Variants in HMGB1 observed in about 807,000 individuals in gnomAD.
HMGB1 encodes the protein high mobility group protein B1.
For synonymous variants in HMGB1, 81 were observed against 84.0 expected (o/e 0.96, Z 0.19); for missense variants, 79 against 253.5 (o/e 0.31, Z 4.67).
rs144907788 is a variant in HMGB1 at position 30,525,243 on chromosome 13, T to C, written c.-14-61549A>G. On this transcript the variant is annotated intron_variant, in intron 1 of 4. Transcript: ENST00000405805. ...CATTCAGCACAGTGCTTTGACATTG[T>C]ATGTTCCTGATAAATGACAGGTGTA... 1.6e-3 allele frequency among the ~76,000 whole-genome samples: 245 copies of C among 152,344 alleles called. 1 individual carries two copies. Among genetic ancestry groups the C allele is most frequent in the African/African-American group, 5.7e-3 (235 of 41,578 alleles).
At chr13:30,571,590 A>G (rs998877372) in intron 1 of HMGB1, among the ~76,000 whole-genome samples, 1 of 152,320 alleles carries the variant, frequency 6.6e-6, no homozygotes, top group East Asian at 1.9e-4. Flanking sequence ...CACCGTACCC[A>G]GCCTAAATGG....
intron 1 of HMGB1, among the ~76,000 whole-genome samples, chr13:30,509,507 GGATTACAGATGTGAGCC>G (rs1400743407): frequency 6.6e-6 from 1 of 152,022 alleles, no homozygotes; most frequent in Non-Finnish European, 1.5e-5. Context: ...CAAAGTGTTG[GGATTACAGATGTGAGCC>G]ACCACGCCTG....
At chr13:30,548,041 T>C (rs1399631021) in intron 1 of HMGB1, among the ~76,000 whole-genome samples, 1 of 152,228 alleles carries the variant, frequency 6.6e-6, no homozygotes, top group African/African-American at 2.4e-5. Context: ...TAAGAAAATT[T>C]GCAATAGGAA....
At chr13:30,553,513 G>A (rs1869529383) in intron 1 of HMGB1, among the ~76,000 whole-genome samples, 1 of 152,264 alleles carries the variant, frequency 6.6e-6, no homozygotes. Flanking sequence ...CTTCATAGGG[G>A]TATGGTAATT....
At chr13:30,462,807 G>A in intron 3 of HMGB1, 95 bp from the exon 4 acceptor site, 1 of 949,706 alleles carries the variant, frequency 1.1e-6, no homozygotes. Context: ...AGCTGCCTGT[G>A]AATTTCTGTG....
intron 1 of HMGB1, among the ~76,000 whole-genome samples, chr13:30,548,690 T>C (rs948301373): frequency 6.6e-6 from 1 of 152,192 alleles, no homozygotes; most frequent in African/African-American, 2.4e-5. Flanking sequence ...CCACTAATTA[T>C]GATGAGATGT....
At chr13:30,500,846 C>T (rs1350094893) in intron 1 of HMGB1, among the ~76,000 whole-genome samples, 1 of 151,808 alleles carries the variant, frequency 6.6e-6, no homozygotes, top group Non-Finnish European at 1.5e-5. Flanking sequence ...GCCTCAGCCT[C>T]CTGAGAAGGT....
intron 1 of HMGB1, chr13:30,542,641 C>T: frequency 5.4e-6 from 1 of 186,034 alleles, no homozygotes; most frequent in Non-Finnish European, 1.1e-5. Context: ...CACAGCCTGG[C>T]TGGCTGGCTG....
intron 1 of HMGB1, among the ~76,000 whole-genome samples, chr13:30,599,126 T>C (rs1035130012): frequency 3.3e-5 from 5 of 152,042 alleles, no homozygotes; most frequent in South Asian, 4.1e-4. Context: ...AACACCCATG[T>C]GTAAGGGTTG....
At chr13:30,519,037 T>A (rs1888165378) in intron 1 of HMGB1, among the ~76,000 whole-genome samples, 1 of 151,952 alleles carries the variant, frequency 6.6e-6, no homozygotes, top group Non-Finnish European at 1.5e-5. Flanking sequence ...ATAAACATTC[T>A]CTAGACAGTC....
At chr13:30,523,075 A>G (rs1888276199) in intron 1 of HMGB1, among the ~76,000 whole-genome samples, 1 of 152,194 alleles carries the variant, frequency 6.6e-6, no homozygotes, top group Admixed American at 6.5e-5. Flanking sequence ...TGTACCATCC[A>G]GGTTGGTCTA....
In HMGB1 at chr13:30,514,560, G is replaced by A. The variant is rs540436729; in HGVS notation, c.-14-50866C>T. Among the ~76,000 whole-genome samples the A allele has an allele frequency of 2.6e-5, 4 of 152,078 alleles. No homozygotes were observed. The South Asian group carries it at 8.3e-4, about 32-fold the overall frequency. On this transcript the variant is annotated intron_variant, in intron 1 of 4. Coordinates refer to the HMGB1 transcript ENST00000405805. ...GACAATCACCTTTTTATAAACGACT[G>A]CAGCACTGATTGTAGTATTCATTTT...
At position 30,598,424 on chromosome 13, in the gene HMGB1, T is replaced by C. The variant is rs555387054; in HGVS notation, c.-15+18247A>G. Among the ~76,000 whole-genome samples the C allele has an allele frequency of 8.4e-4, 128 of 152,368 alleles. 1 individual carries two copies. The highest frequency in any genetic ancestry group is 4.8e-3 in the South Asian group (23 of 4,828). On this transcript the variant is annotated intron_variant, in intron 1 of 4. Coordinates refer to the HMGB1 transcript ENST00000405805. ...TTTTCTCACTAAAGGAAATGTTTTA[T>C]GTAAAGTGAATAACAGTACCTGGCA...
At chr13:30,464,190 C>CT in intron 1 of HMGB1, 2 of 985,168 alleles carry the variant, frequency 2.0e-6, no homozygotes, top group Non-Finnish European at 2.4e-6. Context: ...AAAACACCCT[C>CT]TTTGCATAAA....
In HMGB1 at chr13:30,604,308, T is replaced by G. The variant is rs576164427; in HGVS notation, c.-15+12363A>C. 5.1e-4 allele frequency among the ~76,000 whole-genome samples: 78 copies of G among 152,216 alleles called. No homozygotes were observed. In the South Asian group the frequency reaches 9.3e-3, roughly 18 times the overall value. ...TTGATCTGATACACTGGTTGCTAGA[T>G]GGAGAATAAGCTGCATGGCGGTGAG... On this transcript the variant is annotated intron_variant, in intron 1 of 4. Transcript: ENST00000405805.
intron 1 of HMGB1, among the ~76,000 whole-genome samples, chr13:30,551,718 T>A (rs1869436755): frequency 6.6e-6 from 1 of 152,182 alleles, no homozygotes; most frequent in Non-Finnish European, 1.5e-5. Flanking sequence ...TTATTTACTT[T>A]TCTTAGAGAC....
intron 1 of HMGB1, among the ~76,000 whole-genome samples, chr13:30,533,754 TA>T (rs1210322011): frequency 1.3e-5 from 2 of 151,998 alleles, no homozygotes; most frequent in African/African-American, 4.8e-5. Flanking sequence ...AGAAGTGTCA[TA>T]AAATAATAAT....
At chr13:30,530,700 C>G (rs535407186) in intron 1 of HMGB1, among the ~76,000 whole-genome samples, 4 of 152,140 alleles carry the variant, frequency 2.6e-5, no homozygotes, top group Non-Finnish European at 4.4e-5. Context: ...ATATAAATCT[C>G]TGTTGTGGAA....
chr13:30,509,128 G>T (rs950069481), intron 1 of HMGB1, among the ~76,000 whole-genome samples: 1 of 152,080 alleles, frequency 6.6e-6, no homozygotes, highest in Non-Finnish European at 1.5e-5. Flanking sequence ...GTAGAGATGG[G>T]GGTCTCACCA....
Sources: gnomAD v4.1 joint callset for allele counts (sites outside exome capture counted in the v4.1 genomes callset) on GRCh38, gnomAD v4.1.1 for gene constraint, MANE v1.5 for transcripts, NCBI Gene and HGNC (gene_info 2026-07-23, HGNC 2026-07-21) for gene names.